Variants in NLGN4X observed in about 807,000 individuals in gnomAD.
The protein encoded by NLGN4X is neuroligin-4, X-linked.
In NLGN4X, 3 loss-of-function variants were observed where a neutral mutation model predicts 40.3. The observed-to-expected ratio is 0.07, with a 90% CI of 0.03 to 0.19. The LOEUF is 0.19. Ranked by LOEUF, NLGN4X falls within the 10% of genes least tolerant of loss-of-function variation. The pLI, the probability that NLGN4X is intolerant of heterozygous loss-of-function variation, is 1.00. For missense variants in NLGN4X, 382 were observed against 708.3 expected (o/e 0.54, Z 5.23); for synonymous variants, 270 against 306.8 (o/e 0.88, Z 1.25).
At chrX:6,080,810 G>A (rs1036388367) in intron 2 of NLGN4X, among the ~76,000 whole-genome samples, 1 of 111,223 alleles carries the variant, frequency 9.0e-6, no homozygotes, top group Admixed American at 9.5e-5. Context: ...CATCTTCAGA[G>A]GTTTACGACT....
At chrX:6,095,114 T>C (rs765731213) in intron 2 of NLGN4X, among the ~76,000 whole-genome samples, 1 of 58,095 alleles carries the variant, frequency 1.7e-5, no homozygotes. Flanking sequence ...TGTGTGTGTG[T>C]GTGTGTGTGT....
intron 3 of NLGN4X, among the ~76,000 whole-genome samples, chrX:6,004,109 C>A (rs2036043986): frequency 8.9e-6 from 1 of 112,323 alleles, no homozygotes; most frequent in African/African-American, 3.2e-5. Flanking sequence ...TGTTAAAGAA[C>A]TAGTAGGGTC....
At chrX:6,135,167 A>C (rs887288817) in intron 2 of NLGN4X, among the ~76,000 whole-genome samples, 2 of 111,929 alleles carry the variant, frequency 1.8e-5, no homozygotes, top group African/African-American at 6.5e-5. Context: ...ATTTGCCACC[A>C]GCTGACAGCT....
intron 1 of NLGN4X, among the ~76,000 whole-genome samples, chrX:6,191,091 G>GTT (rs112462147): frequency 5.0e-5 from 5 of 99,355 alleles, no homozygotes; most frequent in Admixed American, 1.1e-4. Context: ...GTTTCAAATT[G>GTT]TTTTTTTTTT....
chrX:6,163,474 T>C (rs551749776), intron 1 of NLGN4X, among the ~76,000 whole-genome samples: 2 of 111,597 alleles, frequency 1.8e-5, no homozygotes, highest in South Asian at 7.5e-4. Context: ...CTGTGCTCCA[T>C]TGCTTTTCAA....
chrX:5,984,167 T>C (rs1036038518), intron 3 of NLGN4X, among the ~76,000 whole-genome samples: 1 of 110,493 alleles, frequency 9.1e-6, no homozygotes, highest in African/African-American at 3.3e-5. Context: ...CCAGAAAATA[T>C]AAAATTGAGA....
chrX:5,972,891 A>G (rs1266382888), intron 3 of NLGN4X, among the ~76,000 whole-genome samples: 1 of 111,955 alleles, frequency 8.9e-6, no homozygotes, highest in African/African-American at 3.2e-5. Flanking sequence ...CCAAGGTAAC[A>G]TAATTTTTAC....
At chrX:6,102,279 C>A in intron 2 of NLGN4X, among the ~76,000 whole-genome samples, 1 of 111,002 alleles carries the variant, frequency 9.0e-6, no homozygotes, top group Non-Finnish European at 1.9e-5. Context: ...CTACCATGTA[C>A]CCACAAAAAT....
intron 2 of NLGN4X, among the ~76,000 whole-genome samples, chrX:6,034,160 G>A (rs556015243): frequency 8.9e-5 from 10 of 112,431 alleles, no homozygotes; most frequent in African/African-American, 2.9e-4. Context: ...GTGCGTGGGT[G>A]TGATAGCCTT....
chrX:6,085,921 C>T (rs1040884336), intron 2 of NLGN4X, among the ~76,000 whole-genome samples: 2 of 111,994 alleles, frequency 1.8e-5, no homozygotes, highest in Admixed American at 1.9e-4. Context: ...TAGCTCAGCG[C>T]CATTTTTCTT....
chrX:5,958,761 T>C (rs962867713), intron 3 of NLGN4X, among the ~76,000 whole-genome samples: 1 of 111,729 alleles, frequency 9.0e-6, no homozygotes, highest in Admixed American at 9.6e-5. Flanking sequence ...ACAAGCAGCA[T>C]TTCCCTATGT....
intron 3 of NLGN4X, among the ~76,000 whole-genome samples, chrX:5,933,488 T>C (rs1490870457): frequency 2.7e-5 from 3 of 112,081 alleles, no homozygotes; most frequent in South Asian, 3.7e-4. Context: ...GATTTTCATA[T>C]AGAAATTGAA....
intron 1 of NLGN4X, among the ~76,000 whole-genome samples, chrX:6,153,878 C>A (rs932068403): frequency 5.3e-5 from 6 of 112,457 alleles, no homozygotes; most frequent in Non-Finnish European, 9.4e-5. Flanking sequence ...TATGAAGCAG[C>A]AGCAACCTAA....
chrX:6,122,991 T>C (rs2039458061), intron 2 of NLGN4X, among the ~76,000 whole-genome samples: 1 of 106,418 alleles, frequency 9.4e-6, no homozygotes, highest in African/African-American at 3.4e-5. Context: ...AAGATGGAAA[T>C]AGAAGTGTTA....
At chrX:6,200,682 C>CTTTTCTTTTTTT (rs1556005121) in intron 1 of NLGN4X, among the ~76,000 whole-genome samples, 7,457 of 70,867 alleles carry the variant, frequency 0.11, 711 homozygotes, top group South Asian at 0.14. Flanking sequence ...TATTCCTTTC[C>CTTTTCTTTTTTT]TTTTCTTTTT....
intron 3 of NLGN4X, among the ~76,000 whole-genome samples, chrX:5,920,797 GT>G (rs1343117681): frequency 9.0e-6 from 1 of 111,165 alleles, no homozygotes; most frequent in Non-Finnish European, 1.9e-5. Context: ...TCCTAGGACT[GT>G]GGCCAAATGA....
intron 3 of NLGN4X, among the ~76,000 whole-genome samples, chrX:5,956,952 TTCTGTGTGGTG>T (rs1159142799): frequency 1.5e-4 from 17 of 111,111 alleles, no homozygotes; most frequent in African/African-American, 5.2e-4. Flanking sequence ...GTTGGGAATA[TTCTGTGTGGTG>T]TCTGTGTGTG....
In NLGN4X at chrX:5,947,420, G is replaced by T. The variant is rs1487340004; in HGVS notation, c.626-38181C>A. On this transcript the variant is annotated intron_variant, in intron 3 of 5. Coordinates refer to ENST00000381095, the MANE Select transcript of NLGN4X (RefSeq NM_181332.3). ...TTGCACAAGTGTTTTCAAGTCTGCA[G>T]TTCAAAATGCACGCAAGGTCAGGAA... 4.5e-5 allele frequency among the ~76,000 whole-genome samples: 5 copies of T among 112,046 alleles called. No homozygotes were observed. The East Asian group carries it at 1.4e-3, about 32-fold the overall frequency.
intron 3 of NLGN4X, among the ~76,000 whole-genome samples, chrX:5,950,654 TAA>T (rs2034277834): frequency 2.7e-5 from 3 of 112,366 alleles, no homozygotes; most frequent in African/African-American, 9.7e-5. Flanking sequence ...ATAAGGACTC[TAA>T]ATGTTACTTA....
Sources: gnomAD v4.1 joint callset for allele counts (sites outside exome capture counted in the v4.1 genomes callset) on GRCh38, gnomAD v4.1.1 for gene constraint, MANE v1.5 for transcripts, NCBI Gene and HGNC (gene_info 2026-07-23, HGNC 2026-07-21) for gene names.